The following LRRD1 variants were observed in gnomAD, a reference collection of about 807,000 sequenced individuals.
The protein encoded by LRRD1 is leucine-rich repeat and death domain-containing protein 1.
Under a neutral mutation model 69.5 loss-of-function variants are expected in LRRD1, and 49 were observed. The ratio of observed to expected loss-of-function variants is 0.70; its 90% CI spans 0.56 to 0.89. LRRD1 has a LOEUF of 0.89. LRRD1 is among the 40% of genes least tolerant of loss of function. LRRD1 has a pLI of 0.00. For synonymous variants in LRRD1, 303 were observed against 338.9 expected (o/e 0.89, Z 1.16); for missense variants, 853 against 956.0 (o/e 0.89, Z 1.42).
chr7:92,175,476 T>C (rs576220702), intron 1 of LRRD1, among the ~76,000 whole-genome samples: 1 of 152,184 alleles, frequency 6.6e-6, no homozygotes, highest in African/African-American at 2.4e-5. Flanking sequence ...GGTGAAACTC[T>C]GTCTCCACTA....
At chr7:92,177,919 G>A (rs1393075973) in intron 1 of LRRD1, among the ~76,000 whole-genome samples, 1 of 152,102 alleles carries the variant, frequency 6.6e-6, no homozygotes, top group East Asian at 1.9e-4. Context: ...ATACATAGTG[G>A]TTAACATGCA....
At chr7:92,152,599 T>C (rs906525582) in intron 3 of LRRD1, among the ~76,000 whole-genome samples, 3 of 152,194 alleles carry the variant, frequency 2.0e-5, no homozygotes, top group Non-Finnish European at 2.9e-5. Flanking sequence ...TGTATTTCTT[T>C]CATCAGTGTA....
In LRRD1 at chr7:92,163,729, A is replaced by G. The variant is rs1239851401; in HGVS notation, c.1474T>C (p.Leu492=). 6.6e-7 allele frequency: 1 copy of G among 1,509,176 alleles called. No homozygotes were observed. The highest frequency in any genetic ancestry group is 8.8e-7 in the Non-Finnish European group (1 of 1,131,276). 93.5% of individuals were successfully genotyped at this position (1,509,176 alleles called of 1,614,324 possible). The part of the protein sequence containing the change: ...GLCALDSLYY[L]SVNGNYISEI... The stretch of plus-strand genomic sequence containing the variant: ...GAAATATAATTTCCATTAACACTCA[A>G]ATAATAAAGAGAATCTAAAGCACAC... Residue 492 remains leucine (L), a synonymous_variant, in exon 2 of 6, where the codon TTG becomes CTG. Transcript: ENST00000458448.
chr7:92,163,412 G>A lies in LRRD1; in HGVS notation c.1791C>T (p.Asp597=), dbSNP rs1237687788. 6 of 1,547,620 alleles carry A rather than the reference G, an allele frequency of 3.9e-6. No homozygotes were observed. Among genetic ancestry groups the A allele is most frequent in the Non-Finnish European group, 4.4e-6 (5 of 1,145,846 alleles). ...TCTGGATTCCTTTTAAATTACAGAT[G>A]TCTGAAGAGATTTTCTGTAATTGGT... ...SENQLQKISS[D]ICNLKGIQKL... Residue 597 remains aspartate, a synonymous_variant, in exon 2 of 6, where the codon GAC becomes GAT. Transcript: ENST00000458448.
At chr7:92,172,212 T>C (rs575430426) in intron 1 of LRRD1, among the ~76,000 whole-genome samples, 1 of 152,344 alleles carries the variant, frequency 6.6e-6, no homozygotes, top group African/African-American at 2.4e-5. Flanking sequence ...ATAAAGGTCA[T>C]ATATGATATC....
In LRRD1 at chr7:92,164,571, T is replaced by C; in HGVS notation, c.632A>G (p.His211Arg). The change falls in exon 2 of 6, where the codon CAT (histidine) becomes CGT (arginine). Residue 211 changes from histidine to arginine, a missense_variant. His to Arg is a conservative substitution (Grantham distance 29). Transcript: ENST00000458448. ...ACTGACATTTAATATCCTTAAATTA[T>C]GAAGTAACTGAATTTCAGATGGAAG... ...SSLPSEIQLL[H>R]NLRILNVSHN... 2.6e-6 allele frequency: 4 copies of C among 1,550,984 alleles called. No individual in the cohort carries two copies. In the South Asian group the frequency reaches 3.6e-5, roughly 14 times the overall value.
chr7:92,178,551 T>G lies in LRRD1; in HGVS notation c.-75+456A>C, dbSNP rs536618411. Among the ~76,000 whole-genome samples, 15 of 151,648 alleles carry G rather than the reference T, an allele frequency of 9.9e-5. No homozygotes were observed. The East Asian group carries it at 2.7e-3, about 28-fold the overall frequency. On this transcript the variant is annotated intron_variant, in intron 1 of 5. Coordinates refer to ENST00000458448, the MANE Select transcript of LRRD1 (RefSeq NM_001161528.2). ...CGGTCGTGGCGGCGCGCGCCTGTAA[T>G]CCTAATTACTCGGGAGGCTGAGACA... is the stretch of plus-strand genomic sequence containing the variant.
intron 2 of LRRD1, among the ~76,000 whole-genome samples, chr7:92,159,584 CA>C (rs1380938503): frequency 1.4e-5 from 2 of 139,834 alleles, no homozygotes; most frequent in African/African-American, 5.3e-5. Flanking sequence ...CTCCATCCCA[CA>C]TTTGATCTCC....
At chr7:92,174,511 T>TATGTATATA (rs1563195897) in intron 1 of LRRD1, among the ~76,000 whole-genome samples, 22 of 26,704 alleles carry the variant, frequency 8.2e-4, no homozygotes, top group Non-Finnish European at 1.4e-3. Context: ...ATATATATAT[T>TATGTATATA]TTTTTTTTTT....
At chr7:92,174,510 T>TATATATATA (rs1491100533) in intron 1 of LRRD1, among the ~76,000 whole-genome samples, 3 of 12,606 alleles carry the variant, frequency 2.4e-4, no homozygotes, top group Non-Finnish European at 3.7e-4. Flanking sequence ...TATATATATA[T>TATATATATA]TTTTTTTTTT....
intron 4 of LRRD1, chr7:92,150,026 C>A: frequency 2.6e-6 from 1 of 381,680 alleles, no homozygotes. Context: ...ATTTTCAGTG[C>A]CTCAATTTGT....
intron 4 of LRRD1, among the ~76,000 whole-genome samples, chr7:92,150,247 T>A (rs1045616470): frequency 6.6e-6 from 1 of 152,158 alleles, no homozygotes; most frequent in Non-Finnish European, 1.5e-5. Flanking sequence ...GAGGATTGCT[T>A]GAGCTCGGGA....
intron 5 of LRRD1, among the ~76,000 whole-genome samples, chr7:92,145,682 A>T (rs907151742): frequency 6.6e-6 from 1 of 151,358 alleles, no homozygotes; most frequent in Non-Finnish European, 1.5e-5. Flanking sequence ...CTCGTGATCC[A>T]CCCGCCTCAG....
intron 5 of LRRD1, among the ~76,000 whole-genome samples, chr7:92,145,321 T>A (rs189469097): frequency 1.1e-4 from 17 of 152,182 alleles, no homozygotes; most frequent in Admixed American, 1.1e-3. Context: ...CTCCAGCCCA[T>A]CCCTTGTACC....
Position 92,164,082 on chromosome 7 carries a change from A to G in LRRD1, c.1121T>C (p.Leu374Pro). The G allele has an allele frequency of 1.3e-6, 2 of 1,548,022 alleles. No individual in the cohort carries two copies. The highest frequency in any genetic ancestry group is 8.7e-7 in the Non-Finnish European group (1 of 1,145,390). The change falls in exon 2 of 6, where the codon CTT becomes CCT. Residue 374 changes from leucine (L) to proline (P), a missense_variant. Leu to Pro is a moderately conservative substitution (Grantham distance 98, BLOSUM62 -3). Transcript: ENST00000458448. The part of the protein sequence containing the change: ...ISHKIENFRE[L>P]RILILDKNLL... The stretch of plus-strand genomic sequence containing the variant: ...ATTTTTATCAAGTATAAGAATCCTA[A>G]GTTCCCTGAAATTCTCAATTTTGTG...
chr7:92,172,443 C>A (rs1368711700), intron 1 of LRRD1, among the ~76,000 whole-genome samples: 1 of 151,960 alleles, frequency 6.6e-6, no homozygotes, highest in African/African-American at 2.4e-5. Flanking sequence ...TTAGAAAAAT[C>A]TAAAGACTCC....
chr7:92,142,972 G>A (rs1270959574), downstream of LRRD1: 2 of 254,824 alleles, frequency 7.8e-6, no homozygotes, highest in Admixed American at 1.0e-4. Context: ...GGCTCAGGCA[G>A]CCTGCTTTTA....
At chr7:92,160,846 T>A (rs1788781317) in intron 2 of LRRD1, among the ~76,000 whole-genome samples, 1 of 151,544 alleles carries the variant, frequency 6.6e-6, no homozygotes, top group Non-Finnish European at 1.5e-5. Flanking sequence ...ATGAATAGAA[T>A]TAGAAAAAAG....
intron 3 of LRRD1, among the ~76,000 whole-genome samples, chr7:92,157,820 G>T (rs1194530844): frequency 6.6e-6 from 1 of 151,102 alleles, no homozygotes; most frequent in African/African-American, 2.4e-5. Context: ...CAAGCAATCC[G>T]CCCCCCTCGG....
Sources: allele counts gnomAD v4.1 joint callset (sites outside exome capture counted in the v4.1 genomes callset), GRCh38; gene constraint gnomAD v4.1.1; transcripts MANE v1.5; gene names NCBI Gene and HGNC (gene_info 2026-07-23, HGNC 2026-07-21).